The following EPSTI1 variants were observed in gnomAD, a reference collection of about 807,000 sequenced individuals.
EPSTI1 encodes the protein epithelial-stromal interaction protein 1.
A neutral mutation model predicts 49.9 loss-of-function variants in EPSTI1; 66 were observed. The ratio of observed to expected loss-of-function variants is 1.32; its 90% CI spans 1.08 to 1.62. The LOEUF (loss-of-function observed/expected upper bound fraction) is 1.62. EPSTI1 is among the 40% of genes most tolerant of loss of function. The pLI is 0.00. For synonymous variants in EPSTI1, 137 were observed against 130.7 expected, an observed-to-expected ratio of 1.05 and a Z score of -0.33; for missense variants, 394 against 365.5, an observed-to-expected ratio of 1.08 and a Z score of -0.64.
In EPSTI1 at chr13:42,917,640, G is replaced by GAAAA. The variant is rs764433074; in HGVS notation, c.658-17_658-16insTTTT. The GAAAA allele has an allele frequency of 1.3e-3, 192 of 148,728 alleles. No individual in the cohort carries two copies. The highest frequency in any genetic ancestry group is 3.6e-3 in the Middle Eastern group (2 of 556). 9.2% of individuals were successfully genotyped at this position (148,728 alleles called of 1,614,324 possible). ...AGCTTCTGGCCTGTAAAGGTACAAA[G>GAAAA]AGAAAAAAAAAAAAAAAAACAACTT... On this transcript the variant is annotated splice_polypyrimidine_tract_variant and intron_variant, in intron 7 of 10. Transcript: ENST00000313624.
At chr13:42,902,347 G>C (rs527375349) in intron 8 of EPSTI1, among the ~76,000 whole-genome samples, 48 of 152,106 alleles carry the variant, frequency 3.2e-4, no homozygotes, top group African/African-American at 1.1e-3. Flanking sequence ...AAGGTACCAG[G>C]TGCCTCTGAT....
chr13:42,912,245 G>A (rs146976356), intron 8 of EPSTI1, among the ~76,000 whole-genome samples: 2 of 152,358 alleles, frequency 1.3e-5, no homozygotes, highest in East Asian at 3.9e-4. Flanking sequence ...TTCTGAAGGA[G>A]CTCCAGGAGG....
intron 6 of EPSTI1, among the ~76,000 whole-genome samples, chr13:42,932,281 T>C (rs1007905808): frequency 6.6e-6 from 1 of 152,174 alleles, no homozygotes; most frequent in African/African-American, 2.4e-5. Flanking sequence ...TCTACACAAA[T>C]TTATATTTTC....
intron 1 of EPSTI1, among the ~76,000 whole-genome samples, chr13:42,991,772 G>C (rs988348947): frequency 1.3e-5 from 2 of 152,212 alleles, no homozygotes; most frequent in South Asian, 2.1e-4. Context: ...AACCGGGCTG[G>C]TTATTTACCA....
chr13:42,989,513 C>T (rs2040147872), intron 1 of EPSTI1, among the ~76,000 whole-genome samples: 1 of 144,534 alleles, frequency 6.9e-6, no homozygotes, highest in Non-Finnish European at 1.5e-5. Flanking sequence ...AATAAATTCA[C>T]ATTATGAGTG....
chr13:42,888,622 T>C, intron 10 of EPSTI1, 120 bp from the exon 11 acceptor site: 1 of 1,039,630 alleles, frequency 9.6e-7, no homozygotes, highest in Non-Finnish European at 1.4e-6. Flanking sequence ...ATGACCATTT[T>C]TTAAAATTAA....
chr13:42,960,186 G>T (rs752187392), intron 5 of EPSTI1, among the ~76,000 whole-genome samples: 4 of 152,154 alleles, frequency 2.6e-5, no homozygotes, highest in Non-Finnish European at 4.4e-5. Flanking sequence ...AACATATGTA[G>T]ATCGAAGGCA....
At chr13:42,970,564 G>T in intron 2 of EPSTI1, 48 bp downstream of exon 2, 1 of 1,488,474 alleles carries the variant, frequency 6.7e-7, no homozygotes, top group Non-Finnish European at 9.2e-7. Context: ...CAAACCAATT[G>T]TAAAAAGAGA....
At position 42,992,214 on chromosome 13, in the gene EPSTI1, G is replaced by C; in HGVS notation, c.-49C>G. On this transcript the variant is annotated 5_prime_UTR_variant, in exon 1 of 11. Coordinates refer to ENST00000313624, the MANE Select transcript of EPSTI1 (RefSeq NM_033255.5). ...GCCGCCGTCGCTGCGGGAGGGATGC[G>C]GCTGGGACGCTTAGCGAGTCTCAAG... is the stretch of plus-strand genomic sequence containing the variant. 6.7e-7 allele frequency: 1 copy of C among 1,485,012 alleles called. No individual in the cohort carries two copies. The highest frequency in any genetic ancestry group is 9.0e-7 in the Non-Finnish European group (1 of 1,116,282). 92.0% of individuals were successfully genotyped at this position (1,485,012 alleles called of 1,614,324 possible).
intron 5 of EPSTI1, among the ~76,000 whole-genome samples, chr13:42,961,421 A>G (rs2039445850): frequency 6.6e-6 from 1 of 152,314 alleles, no homozygotes; most frequent in African/African-American, 2.4e-5. Context: ...CATCACTAGA[A>G]GTATATATAC....
intron 3 of EPSTI1, among the ~76,000 whole-genome samples, chr13:42,968,862 CCCA>C (rs968793826): frequency 6.6e-6 from 1 of 150,500 alleles, no homozygotes; most frequent in Admixed American, 6.7e-5. Flanking sequence ...TCACTGTGTT[CCCA>C]TAGAACTCTG....
chr13:42,891,591 T>C (rs1436485948), intron 10 of EPSTI1, among the ~76,000 whole-genome samples: 1 of 152,232 alleles, frequency 6.6e-6, no homozygotes, highest in African/African-American at 2.4e-5. Flanking sequence ...TTCCTCATTA[T>C]TTCAAATCCA....
At chr13:42,891,779 C>A (rs1257380924) in intron 10 of EPSTI1, among the ~76,000 whole-genome samples, 1 of 152,122 alleles carries the variant, frequency 6.6e-6, no homozygotes, top group African/African-American at 2.4e-5. Flanking sequence ...CTGGGATACA[C>A]CACTGAACAC....
chr13:42,961,125 T>TC (rs901149096), intron 5 of EPSTI1, among the ~76,000 whole-genome samples: 1 of 152,152 alleles, frequency 6.6e-6, no homozygotes, highest in African/African-American at 2.4e-5. Flanking sequence ...ATCTTTACTC[T>TC]CCCTAGCCCT....
intron 8 of EPSTI1, among the ~76,000 whole-genome samples, chr13:42,903,838 G>C (rs555819067): frequency 2.9e-4 from 44 of 152,128 alleles, no homozygotes; most frequent in Admixed American, 1.4e-3. Flanking sequence ...CTTGGAGTGA[G>C]GAAGTTCCAG....
intron 4 of EPSTI1, 27 bp from the exon 5 acceptor site, chr13:42,963,365 C>G (rs1347064493): frequency 1.3e-6 from 2 of 1,554,472 alleles, no homozygotes; most frequent in Admixed American, 1.8e-5. Context: ...TTACAGAGAA[C>G]AAAAACAGTT....
At chr13:42,946,048 G>A (rs2038907996) in intron 6 of EPSTI1, among the ~76,000 whole-genome samples, 1 of 152,186 alleles carries the variant, frequency 6.6e-6, no homozygotes, top group African/African-American at 2.4e-5. Flanking sequence ...TACCATATGG[G>A]TAAGGGATCA....
At chr13:42,961,687 G>C (rs552607728) in intron 5 of EPSTI1, among the ~76,000 whole-genome samples, 1 of 152,258 alleles carries the variant, frequency 6.6e-6, no homozygotes, top group East Asian at 1.9e-4. Context: ...CAGAGATGAC[G>C]ACCAATCAGA....
intron 7 of EPSTI1, among the ~76,000 whole-genome samples, chr13:42,924,301 C>G (rs1229509583): frequency 6.6e-6 from 1 of 152,172 alleles, no homozygotes; most frequent in Non-Finnish European, 1.5e-5. Context: ...TCCAATCTCC[C>G]TCCATATTTT....
Sources: gnomAD v4.1 joint callset for allele counts (sites outside exome capture counted in the v4.1 genomes callset) on GRCh38, gnomAD v4.1.1 for gene constraint, MANE v1.5 for transcripts, NCBI Gene and HGNC (gene_info 2026-07-23, HGNC 2026-07-21) for gene names.